The following PAQR5 variants were observed in gnomAD, a reference collection of about 807,000 sequenced individuals.
PAQR5 encodes membrane progestin receptor gamma.
PAQR5 carries 20 observed loss-of-function variants against 34.5 expected under a neutral mutation model. The observed-to-expected ratio is 0.58, with a 90% CI of 0.41 to 0.84. The LOEUF is 0.84. Among genes scored for constraint, PAQR5 ranks in the 40% least tolerant of loss-of-function variants. The probability of loss-of-function intolerance (pLI) is 0.00; values close to 1 mark genes in which losing one functional copy is unlikely to be tolerated. For missense variants in PAQR5, 378 were observed against 412.7 expected, an observed-to-expected ratio of 0.92 and a Z score of 0.73; for synonymous variants, 131 against 155.6, an observed-to-expected ratio of 0.84 and a Z score of 1.18.
At chr15:69,313,893 TG>T (rs572275997) in intron 1 of PAQR5, among the ~76,000 whole-genome samples, 10 of 151,782 alleles carry the variant, frequency 6.6e-5, no homozygotes, top group Non-Finnish European at 1.2e-4. Context: ...TGGGGAGTCC[TG>T]GGGGGGCTGC....
intron 2 of PAQR5, among the ~76,000 whole-genome samples, chr15:69,342,327 G>A (rs4360868): frequency 6.6e-6 from 1 of 151,220 alleles, no homozygotes; most frequent in Non-Finnish European, 1.5e-5. Flanking sequence ...TATATTGGTT[G>A]TTTGTATATT....
rs568777403 is a variant in PAQR5 at position 69,329,886 on chromosome 15, G to C, written c.-276-7455G>C. ...AATAGTAGCCATAATAGTAGCCATA[G>C]TGGTAAATACCACTGGCATTGATTC... On this transcript the variant is annotated intron_variant, in intron 1 of 8. Transcript: ENST00000395407. Among the ~76,000 whole-genome samples, 104 of 152,306 alleles carry C rather than the reference G, an allele frequency of 6.8e-4. No homozygotes were observed. In the South Asian group the frequency reaches 0.021, roughly 31 times the overall value.
At chr15:69,317,396 C>G (rs565923434) in intron 1 of PAQR5, among the ~76,000 whole-genome samples, 1 of 152,288 alleles carries the variant, frequency 6.6e-6, no homozygotes, top group East Asian at 1.9e-4. Flanking sequence ...TGCCCTGCAG[C>G]CTTCTCTGAC....
At chr15:69,304,808 C>A (rs1488480513) in intron 1 of PAQR5, among the ~76,000 whole-genome samples, 1 of 152,154 alleles carries the variant, frequency 6.6e-6, no homozygotes, top group Non-Finnish European at 1.5e-5. Context: ...TGGTGGGATT[C>A]ATTTGGAGCC....
At chr15:69,362,336 T>A (rs1040534059) in intron 3 of PAQR5, among the ~76,000 whole-genome samples, 1 of 152,158 alleles carries the variant, frequency 6.6e-6, no homozygotes, top group Non-Finnish European at 1.5e-5. Context: ...CACTATTGGG[T>A]TTTTGGGCAT....
chr15:69,379,828 A>G, intron 3 of PAQR5, 55 bp from the exon 4 acceptor site: 10 of 1,585,310 alleles, frequency 6.3e-6, no homozygotes, highest in Non-Finnish European at 8.6e-6. Context: ...TTCTCCAGAG[A>G]CCTTCGTGCC....
chr15:69,309,468 C>G (rs1039202587), intron 1 of PAQR5, among the ~76,000 whole-genome samples: 1 of 152,086 alleles, frequency 6.6e-6, no homozygotes, highest in Non-Finnish European at 1.5e-5. Flanking sequence ...AGGCAGCTGG[C>G]AGACAGTTTT....
intron 6 of PAQR5, among the ~76,000 whole-genome samples, chr15:69,392,327 C>T (rs1166276655): frequency 2.6e-5 from 4 of 152,118 alleles, no homozygotes; most frequent in South Asian, 2.1e-4. Flanking sequence ...TCAGATATAA[C>T]GGATGGGGTC....
At chr15:69,369,965 C>T (rs1432397426) in intron 3 of PAQR5, among the ~76,000 whole-genome samples, 3 of 152,046 alleles carry the variant, frequency 2.0e-5, no homozygotes, top group African/African-American at 7.2e-5. Flanking sequence ...TCCTGGTTTC[C>T]CTCTGTTTTG....
chr15:69,353,522 G>A (rs1030753799), intron 2 of PAQR5, among the ~76,000 whole-genome samples: 3 of 152,206 alleles, frequency 2.0e-5, no homozygotes, highest in Non-Finnish European at 4.4e-5. Flanking sequence ...CAGCTGGCTT[G>A]ACAGAACAGT....
At chr15:69,356,423 A>G (rs1291840136) in intron 2 of PAQR5, among the ~76,000 whole-genome samples, 1 of 152,248 alleles carries the variant, frequency 6.6e-6, no homozygotes. Context: ...TGAGCTTAAA[A>G]AAATTATTTT....
At position 69,355,288 on chromosome 15, in the gene PAQR5, T is replaced by TTTTC. The variant is rs202025030; in HGVS notation, c.-115-4626_-115-4623dup. On this transcript the variant is annotated intron_variant, in intron 2 of 8. Coordinates refer to ENST00000395407, the MANE Select transcript of PAQR5 (RefSeq NM_017705.4). ...TTTGTCTTCTTTCTCTCTTTCTTTC[T>TTTTC]TTTCTTTCTTTCTTTCTTTCTTTCT... Among the ~76,000 whole-genome samples the TTTTC allele has an allele frequency of 3.6e-4, 49 of 135,832 alleles. 1 individual carries two copies. The highest frequency in any genetic ancestry group is 1.3e-3 in the African/African-American group (43 of 34,314). 89.1% of individuals were successfully genotyped at this position (135,832 alleles called of 152,430 possible).
chr15:69,326,941 T>C (rs1270396556), intron 1 of PAQR5, among the ~76,000 whole-genome samples: 1 of 152,116 alleles, frequency 6.6e-6, no homozygotes, highest in Non-Finnish European at 1.5e-5. Flanking sequence ...GTGCATTCTA[T>C]GGACTTTGAC....
chr15:69,311,975 G>A (rs2053843811), intron 1 of PAQR5, among the ~76,000 whole-genome samples: 2 of 152,200 alleles, frequency 1.3e-5, no homozygotes, highest in Non-Finnish European at 1.5e-5. Context: ...AGCCATCAGA[G>A]CATGAGTGGT....
chr15:69,396,044 C>T (rs922540203), intron 6 of PAQR5, among the ~76,000 whole-genome samples: 25 of 151,616 alleles, frequency 1.6e-4, no homozygotes, highest in Non-Finnish European at 3.2e-4. Flanking sequence ...GGAGAATGTC[C>T]GCATCCTCAG....
At position 69,338,541 on chromosome 15, in the gene PAQR5, C is replaced by T. The variant is rs558355151; in HGVS notation, c.-116+1040C>T. 6.4e-4 allele frequency among the ~76,000 whole-genome samples: 98 copies of T among 152,288 alleles called. 1 individual carries two copies. Among genetic ancestry groups the T allele is most frequent in the South Asian group, 6.0e-3 (29 of 4,830 alleles). ...TGAGTACACTCAGACAGTTAGAAAG[C>T]GGTTCCACTCTTCTCACCTTGGGGT... On this transcript the variant is annotated intron_variant, in intron 2 of 8. Coordinates refer to ENST00000395407, the MANE Select transcript of PAQR5 (RefSeq NM_017705.4).
chr15:69,352,222 C>T (rs2054938489), intron 2 of PAQR5, among the ~76,000 whole-genome samples: 2 of 152,228 alleles, frequency 1.3e-5, no homozygotes, highest in South Asian at 4.1e-4. Flanking sequence ...GATAAATACC[C>T]TCCTTTTGGG....
rs373031650 is a variant in PAQR5 at position 69,400,017 on chromosome 15, C to T, written c.653C>T (p.Ser218Leu). The T allele has an allele frequency of 1.5e-5, 25 of 1,614,000 alleles. No homozygotes were observed. The highest frequency in any genetic ancestry group is 2.2e-5 in the East Asian group (1 of 44,892). The change falls in exon 8 of 9, where the codon TCG (serine) becomes TTG (leucine). Residue 218 changes from serine to leucine, a missense_variant. Coordinates refer to ENST00000395407, the MANE Select transcript of PAQR5 (RefSeq NM_017705.4). ...PGESAQNEATSYHQKHMIMTL... is the reference protein window; with the variant it reads ...PGESAQNEATLYHQKHMIMTL... ...GAGAGTGCACAAAATGAAGCCACCT[C>T]GTACCACCAGAAGCACATGATCATG...
chr15:69,340,432 T>C (rs1252618666), intron 2 of PAQR5, among the ~76,000 whole-genome samples: 1 of 152,224 alleles, frequency 6.6e-6, no homozygotes, highest in East Asian at 1.9e-4. Context: ...GGTTGTGACC[T>C]GCAGTTTGGA....
Sources: allele counts gnomAD v4.1 joint callset (sites outside exome capture counted in the v4.1 genomes callset), GRCh38; gene constraint gnomAD v4.1.1; transcripts MANE v1.5; gene names NCBI Gene and HGNC (gene_info 2026-07-23, HGNC 2026-07-21).